The following IL1RAPL1 variants were observed in gnomAD, a reference collection of about 807,000 sequenced individuals.
IL1RAPL1 encodes the protein interleukin-1 receptor accessory protein-like 1.
A neutral mutation model predicts 48.4 loss-of-function variants in IL1RAPL1; 3 were observed. The observed-to-expected ratio is 0.06, with a 90% CI of 0.03 to 0.16. IL1RAPL1 has a LOEUF of 0.16. IL1RAPL1 is among the 10% of genes least tolerant of loss of function. The probability of loss-of-function intolerance (pLI) is 1.00; values close to 1 mark genes in which losing one functional copy is unlikely to be tolerated. For missense variants in IL1RAPL1, 349 were observed against 530.6 expected (o/e 0.66, Z 3.36); for synonymous variants, 185 against 187.7 (o/e 0.99, Z 0.12).
intron 5 of IL1RAPL1, among the ~76,000 whole-genome samples, chrX:29,558,403 T>C (rs191771345): frequency 5.7e-4 from 64 of 111,962 alleles, no homozygotes; most frequent in Non-Finnish European, 9.4e-4. Context: ...TGTTTGCTAT[T>C]GAGTTGTTTG....
intron 6 of IL1RAPL1, among the ~76,000 whole-genome samples, chrX:29,742,133 A>G: frequency 9.1e-6 from 1 of 110,452 alleles, no homozygotes; most frequent in East Asian, 2.8e-4. Flanking sequence ...GTGCATTATT[A>G]GGAAACAGAT....
chrX:29,415,034 T>G (rs1468093427), intron 5 of IL1RAPL1, among the ~76,000 whole-genome samples: 2 of 111,955 alleles, frequency 1.8e-5, no homozygotes, highest in African/African-American at 6.5e-5. Flanking sequence ...CATCTAAAAG[T>G]AAAAGTTTTA....
At chrX:28,612,533 A>G (rs1934162278) in intron 1 of IL1RAPL1, among the ~76,000 whole-genome samples, 1 of 112,217 alleles carries the variant, frequency 8.9e-6, no homozygotes, top group Non-Finnish European at 1.9e-5. Flanking sequence ...GGGCCAGAGT[A>G]GCACCCCCTA....
At chrX:28,687,223 C>A (rs956170428) in intron 1 of IL1RAPL1, among the ~76,000 whole-genome samples, 42 of 111,012 alleles carry the variant, frequency 3.8e-4, no homozygotes, top group African/African-American at 1.2e-3. Flanking sequence ...TTCTCCTAAT[C>A]CCCCAAGACC....
At chrX:29,668,352 A>G (rs1926054214) in intron 5 of IL1RAPL1, 78 bp from the exon 6 acceptor site, 1 of 914,147 alleles carries the variant, frequency 1.1e-6, no homozygotes, top group African/African-American at 1.9e-5. Context: ...ATATTTGGGA[A>G]AATAGACTGT....
chrX:28,757,917 A>C (rs1438695742), intron 1 of IL1RAPL1, among the ~76,000 whole-genome samples: 1 of 111,827 alleles, frequency 8.9e-6, no homozygotes, highest in Non-Finnish European at 1.9e-5. Flanking sequence ...TCACTTTACT[A>C]TATAGGAAAA....
intron 2 of IL1RAPL1, among the ~76,000 whole-genome samples, chrX:29,187,760 G>A (rs1018392559): frequency 1.8e-5 from 2 of 111,246 alleles, no homozygotes; most frequent in Non-Finnish European, 3.8e-5. Flanking sequence ...AATCTATCCC[G>A]TTTTCACCCC....
chrX:29,485,188 A>G (rs1935083923), intron 5 of IL1RAPL1, among the ~76,000 whole-genome samples: 1 of 112,172 alleles, frequency 8.9e-6, no homozygotes, highest in Non-Finnish European at 1.9e-5. Context: ...CTGCAGAAGT[A>G]TTTTACTTTA....
chrX:29,850,112 G>T (rs1931332697), intron 6 of IL1RAPL1, among the ~76,000 whole-genome samples: 1 of 112,115 alleles, frequency 8.9e-6, no homozygotes. Flanking sequence ...GGGCACCTGA[G>T]TGTAGTCCCT....
chrX:29,879,391 GTGTGTA>G (rs1350229394), intron 6 of IL1RAPL1, among the ~76,000 whole-genome samples: 1,024 of 98,407 alleles, frequency 0.01, 10 homozygotes, highest in African/African-American at 0.038. Flanking sequence ...GTGTGTGTGT[GTGTGTA>G]TATATATATA....
At chrX:28,738,054 T>C (rs1935865640) in intron 1 of IL1RAPL1, among the ~76,000 whole-genome samples, 1 of 111,954 alleles carries the variant, frequency 8.9e-6, no homozygotes, top group Admixed American at 9.5e-5. Context: ...ATTCAGATAA[T>C]TGCTAAAGCA....
chrX:29,200,946 A>C (rs1210705538), intron 2 of IL1RAPL1, among the ~76,000 whole-genome samples: 1 of 111,227 alleles, frequency 9.0e-6, no homozygotes, highest in Non-Finnish European at 1.9e-5. Flanking sequence ...CCCAGTACCC[A>C]GTAGTTATTT....
intron 2 of IL1RAPL1, among the ~76,000 whole-genome samples, chrX:28,820,013 T>TATATATATAC (rs1569180036): frequency 1.5e-5 from 1 of 67,378 alleles, no homozygotes; most frequent in Admixed American, 1.8e-4. Flanking sequence ...TATATATATA[T>TATATATATAC]ACATGTACTG....
intron 5 of IL1RAPL1, among the ~76,000 whole-genome samples, chrX:29,589,705 T>C (rs1424435147): frequency 1.8e-5 from 2 of 111,545 alleles, no homozygotes; most frequent in Admixed American, 1.9e-4. Context: ...TAAAATAATA[T>C]ATATTAAATG....
At chrX:29,468,421 G>A (rs1309418039) in intron 5 of IL1RAPL1, among the ~76,000 whole-genome samples, 1 of 112,045 alleles carries the variant, frequency 8.9e-6, no homozygotes, top group Non-Finnish European at 1.9e-5. Context: ...ATATTGTTTG[G>A]TGGGTGAGAT....
intron 6 of IL1RAPL1, among the ~76,000 whole-genome samples, chrX:29,707,846 G>T (rs1003581625): frequency 9.1e-6 from 1 of 110,204 alleles, no homozygotes; most frequent in Non-Finnish European, 1.9e-5. Flanking sequence ...CATTGCTTCA[G>T]TGATGGGTCC....
chrX:28,740,826 C>A (rs1206274224), intron 1 of IL1RAPL1, among the ~76,000 whole-genome samples: 4 of 111,780 alleles, frequency 3.6e-5, no homozygotes, highest in Non-Finnish European at 5.6e-5. Context: ...GATTTGATTT[C>A]AATCTTTTTA....
At chrX:29,902,389 CTT>C (rs1674005507) in intron 6 of IL1RAPL1, among the ~76,000 whole-genome samples, 1 of 110,722 alleles carries the variant, frequency 9.0e-6, no homozygotes, top group African/African-American at 3.3e-5. Flanking sequence ...TTACAAGAAT[CTT>C]TTTACTACCC....
chrX:29,240,753 A>G (rs991347795), intron 2 of IL1RAPL1, among the ~76,000 whole-genome samples: 15 of 111,731 alleles, frequency 1.3e-4, no homozygotes, highest in African/African-American at 4.9e-4. Context: ...AACTGCATAT[A>G]TGATTTATGG....
Sources: gnomAD v4.1 joint callset for allele counts (sites outside exome capture counted in the v4.1 genomes callset) on GRCh38, gnomAD v4.1.1 for gene constraint, MANE v1.5 for transcripts, NCBI Gene and HGNC (gene_info 2026-07-23, HGNC 2026-07-21) for gene names.